Variants in MYO18B observed in about 807,000 individuals in gnomAD.
The protein encoded by MYO18B is myosin XVIIIB, also known as unconventional myosin-XVIIIb.
In MYO18B, 204 loss-of-function variants were observed where a neutral mutation model predicts 273.0. The ratio of observed to expected loss-of-function variants is 0.75; its 90% CI spans 0.67 to 0.84. The LOEUF (loss-of-function observed/expected upper bound fraction) is 0.84, where lower values mean the gene tolerates loss of function less well. Ranked by LOEUF, MYO18B falls within the 40% of genes least tolerant of loss-of-function variation. The pLI is 0.00. For synonymous variants in MYO18B, 1,330 were observed against 1,305.7 expected (o/e 1.02, Z -0.40); for missense variants, 3,212 against 3,287.6 (o/e 0.98, Z 0.56).
intron 33 of MYO18B, among the ~76,000 whole-genome samples, chr22:25,916,924 C>T (rs933963507): frequency 2.6e-5 from 4 of 152,022 alleles, no homozygotes; most frequent in East Asian, 1.9e-4. Flanking sequence ...CCCAGCTGCT[C>T]AGGGGGCTGA....
chr22:26,043,353 C>G, the MYO18B span, among the ~76,000 whole-genome samples: 5 of 152,200 alleles, frequency 3.3e-5, no homozygotes, highest in African/African-American at 1.2e-4. Context: ...ATGAAGAAAG[C>G]TGCTGTGAAC....
At chr22:25,915,079 T>C (rs1449090113) in intron 33 of MYO18B, among the ~76,000 whole-genome samples, 1 of 152,164 alleles carries the variant, frequency 6.6e-6, no homozygotes, top group Admixed American at 6.5e-5. Flanking sequence ...CTACTTCTTG[T>C]TTCTTTTTCT....
rs796935532 is a variant in MYO18B at position 25,870,709 on chromosome 22, C to T, written c.3951+2324C>T. Among the ~76,000 whole-genome samples, 45 of 152,262 alleles carry T rather than the reference C, an allele frequency of 3.0e-4. 1 individual carries two copies. Among genetic ancestry groups the T allele is most frequent in the African/African-American group, 1.0e-3 (42 of 41,550 alleles). ...CCCTGAACCAGCAGCATCAGCATCG[C>T]CCAACAGCTTGCTAGAAACACCCCA... is the stretch of plus-strand genomic sequence containing the variant. On this transcript the variant is annotated intron_variant, in intron 22 of 43. Transcript: ENST00000335473.
At position 25,763,318 on chromosome 22, in the gene MYO18B, C is replaced by T. The variant is rs1318966396; in HGVS notation, c.127C>T (p.Arg43Trp). Reference sequence around the variant, plus strand: ...AGGGGGCTTCATTAAGCAACTGGTCCGGGGGACTGAAAAAGAGGCCAAGGA... The same window carrying T: ...AGGGGGCTTCATTAAGCAACTGGTCTGGGGGACTGAAAAAGAGGCCAAGGA... ...IPGGFIKQLVRGTEKEAKEAR... is the reference protein window; with the variant it reads ...IPGGFIKQLVWGTEKEAKEAR... The change falls in exon 3 of 44, where the codon CGG becomes TGG. Residue 43 changes from arginine (R) to tryptophan (W), a missense_variant. Transcript: ENST00000335473. The T allele has an allele frequency of 1.1e-5, 18 of 1,612,842 alleles. No individual in the cohort carries two copies. The highest frequency in any genetic ancestry group is 3.4e-5 in the Admixed American group (2 of 59,620).
intron 43 of MYO18B, chr22:26,028,730 TA>T (rs1029762742): frequency 2.7e-5 from 4 of 149,486 alleles, no homozygotes; most frequent in East Asian, 2.0e-4. Context: ...CCATCTCCAC[TA>T]AAAAAAAATA....
chr22:26,017,967 G>GTTTTTTT (rs869143722), intron 42 of MYO18B, among the ~76,000 whole-genome samples: 4 of 9,776 alleles, frequency 4.1e-4, no homozygotes, highest in Non-Finnish European at 4.0e-4. Context: ...TTACTGTTTT[G>GTTTTTTT]TTTTTTTTTT....
chr22:25,868,512 G>T, intron 22 of MYO18B, 127 bp downstream of exon 22: 1 of 765,650 alleles, frequency 1.3e-6, no homozygotes, highest in Non-Finnish European at 2.1e-6. Flanking sequence ...TGAAGGTAGA[G>T]CTAATGATTT....
At chr22:26,038,226 A>T in the MYO18B span, among the ~76,000 whole-genome samples, 2 of 152,190 alleles carry the variant, frequency 1.3e-5, no homozygotes, top group Non-Finnish European at 2.9e-5. Flanking sequence ...GAATCCTGAC[A>T]GCACCTCCAA....
intron 39 of MYO18B, among the ~76,000 whole-genome samples, chr22:25,956,228 T>TC (rs1190774418): frequency 1.4e-5 from 2 of 147,932 alleles, no homozygotes; most frequent in African/African-American, 5.1e-5. Context: ...TTTTTTTTTT[T>TC]CCCTGGAGAC....
chr22:26,014,399 T>C (rs1935148036), intron 42 of MYO18B, among the ~76,000 whole-genome samples: 1 of 152,184 alleles, frequency 6.6e-6, no homozygotes, highest in African/African-American at 2.4e-5. Context: ...AAGTATAAGT[T>C]CTCCATATTA....
chr22:25,879,249 C>G lies in MYO18B; in HGVS notation c.4314+1201C>G, dbSNP rs912790211. Among the ~76,000 whole-genome samples, 4 of 152,236 alleles carry G rather than the reference C, an allele frequency of 2.6e-5. No homozygotes were observed. The East Asian group carries it at 7.7e-4, about 29-fold the overall frequency. Reference sequence around the variant, plus strand: ...CTACTCAGCCTTGCCATGTGGCCTGCGAAAGCTAAAACATTTACTCTCTGG... The same window carrying G: ...CTACTCAGCCTTGCCATGTGGCCTGGGAAAGCTAAAACATTTACTCTCTGG... On this transcript the variant is annotated intron_variant, in intron 25 of 43. Transcript: ENST00000335473.
chr22:25,879,814 C>G (rs774463331), intron 25 of MYO18B, among the ~76,000 whole-genome samples: 4 of 152,160 alleles, frequency 2.6e-5, no homozygotes, highest in African/African-American at 9.7e-5. Context: ...AGGAAACTTA[C>G]ATCATGGTGG....
At chr22:25,754,143 G>A (rs1478085778) in intron 1 of MYO18B, among the ~76,000 whole-genome samples, 1 of 152,200 alleles carries the variant, frequency 6.6e-6, no homozygotes, top group Non-Finnish European at 1.5e-5. Context: ...CTGCTCTGGA[G>A]GAGGAGTAGG....
intron 39 of MYO18B, among the ~76,000 whole-genome samples, chr22:25,987,266 A>G (rs1484662715): frequency 6.6e-6 from 1 of 152,212 alleles, no homozygotes; most frequent in Non-Finnish European, 1.5e-5. Flanking sequence ...ATTGAACATC[A>G]CAAGAGGAGA....
intron 21 of MYO18B, among the ~76,000 whole-genome samples, chr22:25,857,318 A>T (rs2090601522): frequency 6.6e-6 from 1 of 152,180 alleles, no homozygotes; most frequent in Non-Finnish European, 1.5e-5. Context: ...TCCTCCCCGC[A>T]AAGTGTCTAC....
In MYO18B at chr22:25,769,228, CCAGGAAGCCGTGGG is replaced by C. The variant is rs2086626099; in HGVS notation, c.1321_1334del (p.Gln443AlafsTer7). The C allele has an allele frequency of 1.2e-6, 2 of 1,600,898 alleles. No homozygotes were observed. The highest frequency in any genetic ancestry group is 1.3e-5 in the African/African-American group (1 of 74,672). On this transcript the variant is annotated frameshift_variant, in exon 4 of 44. Transcript: ENST00000335473. LOFTEE classifies it high-confidence loss of function. ...AGCAGCTCCTGGGAAGGGAGGCTGGCCAGGAAGCCGTGGGCAGGAAGCAGAGGAGCCCTGCTCAA... is the reference window on the plus strand; with the variant it reads ...AGCAGCTCCTGGGAAGGGAGGCTGGCCAGGAAGCAGAGGAGCCCTGCTCAA...
intron 39 of MYO18B, among the ~76,000 whole-genome samples, chr22:25,969,060 A>G (rs2093008455): frequency 6.6e-6 from 1 of 152,166 alleles, no homozygotes. Context: ...CATCTCTGTT[A>G]TGCAACTGTG....
At chr22:25,779,789 G>GC (rs34161808) in intron 8 of MYO18B, among the ~76,000 whole-genome samples, 78,941 of 152,062 alleles carry the variant, frequency 0.52, 21,669 homozygotes, top group East Asian at 0.64. Context: ...CCTAGCCCTG[G>GC]CCCTTCTAGA....
intron 34 of MYO18B, among the ~76,000 whole-genome samples, chr22:25,937,766 G>A (rs2092598121): frequency 6.6e-6 from 1 of 152,016 alleles, no homozygotes; most frequent in South Asian, 2.1e-4. Context: ...TGTATTTTTA[G>A]TAGAGATGGG....
Sources: gnomAD v4.1 joint callset for allele counts (sites outside exome capture counted in the v4.1 genomes callset) on GRCh38, gnomAD v4.1.1 for gene constraint, MANE v1.5 for transcripts, NCBI Gene and HGNC (gene_info 2026-07-23, HGNC 2026-07-21) for gene names.